RAB26: variants seen among roughly 807,000 people sequenced by gnomAD.
RAB26 encodes the protein RAB26, member RAS oncogene family.
RAB26 carries 39 observed loss-of-function variants against 33.1 expected under a neutral mutation model. The observed-to-expected ratio is 1.18, with a 90% CI of 0.91 to 1.54. The LOEUF is 1.54. RAB26 is among the 40% of genes most tolerant of loss of function. The pLI is 0.00. For missense variants in RAB26, 468 were observed against 362.9 expected (o/e 1.29, Z -2.35); for synonymous variants, 192 against 151.9 (o/e 1.26, Z -1.94).
At position 2,149,952 on chromosome 16, in the gene RAB26, GGGGGACTC is replaced by G; in HGVS notation, c.211_218del (p.Asp71CysfsTer27). The G allele has an allele frequency of 6.5e-7, 1 of 1,536,542 alleles. No homozygotes were observed. Among genetic ancestry groups the G allele is most frequent in the Non-Finnish European group, 8.8e-7 (1 of 1,139,884 alleles). Reference sequence around the variant, plus strand: ...CCTGCTTGTCCTAGGTCATGCTGGTGGGGGACTCGGGTGTGGGGAAGACCTGTCTGCTG... The same window carrying G: ...CCTGCTTGTCCTAGGTCATGCTGGTGGGGTGTGGGGAAGACCTGTCTGCTG... On this transcript the variant is annotated frameshift_variant, in exon 2 of 9. Coordinates refer to ENST00000210187, the MANE Select transcript of RAB26 (RefSeq NM_014353.5). LOFTEE classifies it high-confidence loss of function.
At position 2,148,674 on chromosome 16, in the gene RAB26, G is replaced by GCCA; in HGVS notation, c.-108_-107insACC. On this transcript the variant is annotated 5_prime_UTR_variant, in exon 1 of 9. Coordinates refer to ENST00000210187, the MANE Select transcript of RAB26 (RefSeq NM_014353.5). ...TGCCGCCGCCGCCGCCGCCGCCGCC[G>GCCA]CCGCCGCCAGGGGAAGGGTTCGGGT... is the stretch of plus-strand genomic sequence containing the variant. 1.9e-6 allele frequency: 2 copies of GCCA among 1,043,554 alleles called. No individual in the cohort carries two copies. The highest frequency in any genetic ancestry group is 2.4e-6 in the Non-Finnish European group (2 of 839,762). The allele number at this position is 1,043,554 out of a possible 1,614,324, so 64.6% of individuals were successfully genotyped here. A position where few individuals can be genotyped will look rare whatever the true frequency, so the allele number is the denominator to read the frequency against.
chr16:2,154,111 G>A lies in RAB26; in HGVS notation c.*690G>A, dbSNP rs2093017583. ...TTGATTGCACAAGCCTTTGTTTTCA[G>A]TCCTAGTGAATAAAGTTGTGTTTTC... is the stretch of plus-strand genomic sequence containing the variant. On this transcript the variant is annotated 3_prime_UTR_variant, in exon 9 of 9. Transcript: ENST00000210187. 2 of 309,782 alleles carry A rather than the reference G, an allele frequency of 6.5e-6. No individual in the cohort carries two copies. Among genetic ancestry groups the A allele is most frequent in the Non-Finnish European group, 6.4e-6 (1 of 156,006 alleles). 19.2% of individuals were successfully genotyped at this position (309,782 alleles called of 1,614,324 possible).
Position 2,153,510 on chromosome 16 carries a change from C to T in RAB26, c.*89C>T, listed in dbSNP as rs1477784706. ...TCCAGGCCCTTCTGACTTTGTTGCC[C>T]AGTGGCCAACGCCCGAGTGTCTGTT... On this transcript the variant is annotated 3_prime_UTR_variant, in exon 9 of 9. Coordinates refer to ENST00000210187, the MANE Select transcript of RAB26 (RefSeq NM_014353.5). 3.3e-6 allele frequency: 4 copies of T among 1,216,476 alleles called. No individual in the cohort carries two copies. The highest frequency in any genetic ancestry group is 3.0e-5 in the African/African-American group (2 of 66,124). 75.4% of individuals were successfully genotyped at this position (1,216,476 alleles called of 1,614,324 possible).
At position 2,148,667 on chromosome 16, in the gene RAB26, C is replaced by CGCT. The variant is rs1247640318; in HGVS notation, c.-115_-114insTGC. 2.7e-5 allele frequency: 26 copies of CGCT among 965,866 alleles called. No individual in the cohort carries two copies. The highest frequency in any genetic ancestry group is 3.1e-5 in the Non-Finnish European group (24 of 777,726). The allele number at this position is 965,866 out of a possible 1,614,324, so 59.8% of individuals were successfully genotyped here. On this transcript the variant is annotated 5_prime_UTR_variant, in exon 1 of 9. Transcript: ENST00000210187. ...GGGATGATGCCGCCGCCGCCGCCGCCGCCGCCGCCGCCGCCAGGGGAAGGG... is the reference window on the plus strand; with the variant it reads ...GGGATGATGCCGCCGCCGCCGCCGCCGCTGCCGCCGCCGCCGCCAGGGGAAGGG...
At chr16:2,151,108 TTAA>T in intron 2 of RAB26, 1 of 416,344 alleles carries the variant, frequency 2.4e-6, no homozygotes, top group South Asian at 1.7e-5. Context: ...AGGAGTGGCT[TTAA>T]TTTTTTATTC....
chr16:2,153,501 T>G lies in RAB26; in HGVS notation c.*80T>G, dbSNP rs1422673424. 3 of 1,389,686 alleles carry G rather than the reference T, an allele frequency of 2.2e-6. No individual in the cohort carries two copies. Among genetic ancestry groups the G allele is most frequent in the Non-Finnish European group, 2.0e-6 (2 of 998,958 alleles). The allele number at this position is 1,389,686 out of a possible 1,614,324, so 86.1% of individuals were successfully genotyped here. On this transcript the variant is annotated 3_prime_UTR_variant, in exon 9 of 9. Coordinates refer to ENST00000210187, the MANE Select transcript of RAB26 (RefSeq NM_014353.5). ...CAGAGGGTCTCCAGGCCCTTCTGAC[T>G]TTGTTGCCCAGTGGCCAACGCCCGA...
At position 2,151,610 on chromosome 16, in the gene RAB26, G is replaced by C. The variant is rs767639258; in HGVS notation, c.348G>C (p.Gln116His). 2 of 1,613,938 alleles carry C rather than the reference G, an allele frequency of 1.2e-6. No homozygotes were observed. Among genetic ancestry groups the C allele is most frequent in the African/African-American group, 2.7e-5 (2 of 74,954 alleles). Residue 116 changes from glutamine (Q) to histidine (H), a missense_variant and splice_region_variant, in exon 3 of 9, where the codon CAG (glutamine) becomes CAC (histidine). Gln to His is a conservative substitution (Grantham distance 24). Coordinates refer to ENST00000210187, the MANE Select transcript of RAB26 (RefSeq NM_014353.5). Reference protein sequence around the residue: ...LDVDGVKVKLQMWDTAGQERF... With the variant: ...LDVDGVKVKLHMWDTAGQERF... ...TGGATGGTGTGAAGGTGAAGCTGCA[G>C]GTAAGGTGACTGGCAGAGGACAAGT...
chr16:2,149,063 G>A, intron 1 of RAB26, 85 bp downstream of exon 1: 1 of 1,224,994 alleles, frequency 8.2e-7, no homozygotes. Flanking sequence ...AGGGGGTGCA[G>A]GGCCCGCGGC....
chr16:2,150,190 G>A (rs2093000321), intron 2 of RAB26, 139 bp downstream of exon 2: 9 of 686,656 alleles, frequency 1.3e-5, no homozygotes, highest in Non-Finnish European at 1.9e-5. Flanking sequence ...CAACACCTGG[G>A]CTGGTGGCTG....
At chr16:2,151,247 G>C (rs772576630) in intron 2 of RAB26, 6 of 548,914 alleles carry the variant, frequency 1.1e-5, no homozygotes, top group South Asian at 9.7e-5. Flanking sequence ...GAGCTACTGG[G>C]AAGGCTGAGG....
Position 2,151,694 on chromosome 16 carries a change from G to C in RAB26, c.349-1G>C, listed in dbSNP as rs765170459. ...AGCCTGACCAGTGCCTGTCGCTGCA[G>C]ATGTGGGACACAGCTGGTCAGGAGC... is the stretch of plus-strand genomic sequence containing the variant. On this transcript the variant is annotated splice_acceptor_variant, in intron 3 of 8. Coordinates refer to ENST00000210187, the MANE Select transcript of RAB26 (RefSeq NM_014353.5). LOFTEE classifies it high-confidence loss of function. 3 of 1,613,892 alleles carry C rather than the reference G, an allele frequency of 1.9e-6. No individual in the cohort carries two copies. Among genetic ancestry groups the C allele is most frequent in the Non-Finnish European group, 2.5e-6 (3 of 1,180,018 alleles).
At position 2,149,553 on chromosome 16, in the gene RAB26, C is replaced by A. The variant is rs965068277; in HGVS notation, c.196-388C>A. Among the ~76,000 whole-genome samples the A allele has an allele frequency of 2.0e-5, 3 of 152,172 alleles. No individual in the cohort carries two copies. The South Asian group carries it at 6.2e-4, about 32-fold the overall frequency. ...ATCCTAATGGGGCAAATTCCTCGAG[C>A]CTTGCTGGGGTCATGTCCCTACTGG... On this transcript the variant is annotated intron_variant, in intron 1 of 8. Coordinates refer to ENST00000210187, the MANE Select transcript of RAB26 (RefSeq NM_014353.5).
In RAB26 at chr16:2,148,910, A is replaced by T; in HGVS notation, c.127A>T (p.Asn43Tyr). The change falls in exon 1 of 9, where the codon AAC becomes TAC. Residue 43 changes from asparagine (N) to tyrosine (Y), a missense_variant. Asn to Tyr is a moderately radical substitution (Grantham distance 143, BLOSUM62 -2). Coordinates refer to ENST00000210187, the MANE Select transcript of RAB26 (RefSeq NM_014353.5). ...GCTTTCCGGCCCCGACGCGCCGCCC[A>T]ACGGGCCCTTGCAGCCCGGCCGGCC... ...TALSGPDAPP[N>Y]GPLQPGRPSL... 7.6e-7 allele frequency: 1 copy of T among 1,324,172 alleles called. No individual in the cohort carries two copies. The allele number at this position is 1,324,172 out of a possible 1,614,324, so 82.0% of individuals were successfully genotyped here.
In RAB26 at chr16:2,151,711, G is replaced by C; in HGVS notation, c.365G>C (p.Gly122Ala). The change falls in exon 4 of 9, where the codon GGT becomes GCT. Residue 122 changes from glycine (G) to alanine (A), a missense_variant. Transcript: ENST00000210187. The part of the protein sequence containing the change: ...KVKLQMWDTA[G>A]QERFRSVTHA... ...TCGCTGCAGATGTGGGACACAGCTGGTCAGGAGCGGTTCCGCAGTGTTACC... is the reference window on the plus strand; with the variant it reads ...TCGCTGCAGATGTGGGACACAGCTGCTCAGGAGCGGTTCCGCAGTGTTACC... The C allele has an allele frequency of 6.2e-7, 1 of 1,613,984 alleles. No homozygotes were observed. The highest frequency in any genetic ancestry group is 8.5e-7 in the Non-Finnish European group (1 of 1,180,028).
rs1459016806 is a variant in RAB26 at position 2,151,735 on chromosome 16, C to G, written c.389C>G (p.Thr130Ser). The G allele has an allele frequency of 6.2e-7, 1 of 1,613,968 alleles. No individual in the cohort carries two copies. Residue 130 changes from threonine to serine, a missense_variant, in exon 4 of 9, where the codon ACC (threonine) becomes AGC (serine). Thr to Ser is a moderately conservative substitution (Grantham distance 58). Transcript: ENST00000210187. ...TAGQERFRSV[T>S]HAYYRDAHAL... Reference sequence around the variant, plus strand: ...GGTCAGGAGCGGTTCCGCAGTGTTACCCATGCCTACTACCGGGATGCTCAT... The same window carrying G: ...GGTCAGGAGCGGTTCCGCAGTGTTAGCCATGCCTACTACCGGGATGCTCAT...
chr16:2,152,267 G>A (rs769203319), intron 5 of RAB26, among the ~76,000 whole-genome samples: 11 of 152,042 alleles, frequency 7.2e-5, no homozygotes, highest in African/African-American at 9.7e-5. Flanking sequence ...AAAATTAGCC[G>A]GGCGTTTTGG....
intron 2 of RAB26, 124 bp from the exon 3 acceptor site, chr16:2,151,445 G>C (rs2093004671): frequency 7.2e-7 from 1 of 1,382,868 alleles, no homozygotes; most frequent in African/African-American, 1.4e-5. Flanking sequence ...CTTAAGGGAA[G>C]CCTGCAGGGG....
Position 2,148,926 on chromosome 16 carries a change from C to T in RAB26, c.143C>T (p.Pro48Leu), listed in dbSNP as rs1389820257. 1.5e-6 allele frequency: 2 copies of T among 1,301,064 alleles called. No individual in the cohort carries two copies. The highest frequency in any genetic ancestry group is 3.1e-5 in the African/African-American group (2 of 65,058). 80.6% of individuals were successfully genotyped at this position (1,301,064 alleles called of 1,614,324 possible). A position where few individuals can be genotyped will look rare whatever the true frequency, so the allele number is the denominator to read the frequency against. The change falls in exon 1 of 9, where the codon CCC becomes CTC. Residue 48 changes from proline (P) to leucine (L), a missense_variant. By Grantham distance (98) the Pro-to-Leu change is moderately conservative. Transcript: ENST00000210187. Reference sequence around the variant, plus strand: ...GCGCCGCCCAACGGGCCCTTGCAGCCCGGCCGGCCCTCGCTTGGCGGCGGT... The same window carrying T: ...GCGCCGCCCAACGGGCCCTTGCAGCTCGGCCGGCCCTCGCTTGGCGGCGGT... ...PDAPPNGPLQPGRPSLGGGVD... is the reference protein window; with the variant it reads ...PDAPPNGPLQLGRPSLGGGVD...
At chr16:2,151,491 A>T in intron 2 of RAB26, 78 bp from the exon 3 acceptor site, 2 of 1,602,168 alleles carry the variant, frequency 1.2e-6, no homozygotes, top group Non-Finnish European at 1.7e-6. Flanking sequence ...GTCTCAGGGG[A>T]CAGGAAGGCA....
Sources: gnomAD v4.1 joint callset for allele counts (sites outside exome capture counted in the v4.1 genomes callset) on GRCh38, gnomAD v4.1.1 for gene constraint, MANE v1.5 for transcripts, NCBI Gene and HGNC (gene_info 2026-07-23, HGNC 2026-07-21) for gene names.